The following ITPR1 variants were observed in gnomAD, a reference collection of about 807,000 sequenced individuals.
ITPR1 encodes inositol 1,4,5-trisphosphate receptor type 1, also known as inositol 1,4,5-trisphosphate-gated calcium channel ITPR1.
A neutral mutation model predicts 318.4 loss-of-function variants in ITPR1; 96 were observed. That is an observed-to-expected ratio of 0.30 (90% confidence interval 0.26 to 0.36). The LOEUF is 0.36. ITPR1 is among the 10% of genes least tolerant of loss of function. The probability of loss-of-function intolerance (pLI) is 1.00; values close to 1 mark genes in which losing one functional copy is unlikely to be tolerated. For synonymous variants in ITPR1, 1,312 were observed against 1,289.9 expected (o/e 1.02, Z -0.37); for missense variants, 2,440 against 3,460.2 (o/e 0.71, Z 7.40).
At position 4,803,981 on chromosome 3, in the gene ITPR1, C is replaced by A. The variant is rs1473570393; in HGVS notation, c.7108-2122C>A. 5.3e-5 allele frequency among the ~76,000 whole-genome samples: 8 copies of A among 152,214 alleles called. No individual in the cohort carries two copies. In the East Asian group the frequency reaches 1.2e-3, roughly 22 times the overall value. ...CCGCCTCCTGGGTTCAAGCAATTCT[C>A]CTCCCTCAGCCTCCCAGGTAGCTGG... On this transcript the variant is annotated intron_variant, in intron 54 of 61. Coordinates refer to ENST00000649015, the MANE Select transcript of ITPR1 (RefSeq NM_001378452.1).
intron 2 of ITPR1, among the ~76,000 whole-genome samples, chr3:4,509,976 A>G (rs895491949): frequency 4.6e-5 from 7 of 152,224 alleles, no homozygotes; most frequent in African/African-American, 1.4e-4. Flanking sequence ...GAGAAGACAA[A>G]CAAACAAGTG....
chr3:4,679,752 T>C (rs527278194), intron 24 of ITPR1, among the ~76,000 whole-genome samples: 2 of 152,296 alleles, frequency 1.3e-5, no homozygotes, highest in African/African-American at 4.8e-5. Flanking sequence ...GCAGTTACTT[T>C]TGTGAAACAC....
rs2042452153 is a variant in ITPR1 at position 4,725,570 on chromosome 3, A to G, written c.5161A>G (p.Asn1721Asp). ...AELPPAPDSE[N>D]ATEELEPSPP... The stretch of plus-strand genomic sequence containing the variant: ...GCTTCCTCCAGCTCCGGATTCTGAG[A>G]ACGCCACTGAGGTGTGTTGCCCGCC... The change falls in exon 41 of 62, where the codon AAC becomes GAC. Residue 1721 changes from asparagine to aspartate, a missense_variant. Asn to Asp is a conservative substitution (Grantham distance 23, BLOSUM62 1). This residue lies in a region of ITPR1 where 166 missense variants were observed against 143.7 expected (regional missense o/e 1.16). Coordinates refer to ENST00000649015, the MANE Select transcript of ITPR1 (RefSeq NM_001378452.1). The G allele has an allele frequency of 1.3e-6, 2 of 1,599,010 alleles. No homozygotes were observed. Among genetic ancestry groups the G allele is most frequent in the Non-Finnish European group, 1.7e-6 (2 of 1,179,594 alleles).
In ITPR1 at chr3:4,710,289, C is replaced by T; in HGVS notation, c.4843-36C>T. ...CTCACCCTCCTGTGGTCAGCGTCTG[C>T]CTGAGCCGTTGACTGAGGCTGTGTT... On this transcript the variant is annotated intron_variant, in intron 37 of 61. Coordinates refer to ENST00000649015, the MANE Select transcript of ITPR1 (RefSeq NM_001378452.1). The surrounding 1 kb of genome is among the most constrained non-coding windows in gnomAD (Gnocchi z 4.2). 1 of 1,505,498 alleles carries T rather than the reference C, an allele frequency of 6.6e-7. No homozygotes were observed. Among genetic ancestry groups the T allele is most frequent in the Non-Finnish European group, 8.9e-7 (1 of 1,118,420 alleles). 93.3% of individuals were successfully genotyped at this position (1,505,498 alleles called of 1,614,324 possible). A position where few individuals can be genotyped will look rare whatever the true frequency, so the allele number is the denominator to read the frequency against.
At chr3:4,772,111 A>G (rs546535363) in intron 46 of ITPR1, among the ~76,000 whole-genome samples, 1 of 152,298 alleles carries the variant, frequency 6.6e-6, no homozygotes, top group South Asian at 2.1e-4. Context: ...GTGTGTAGAA[A>G]TCCACTTCTC....
intron 4 of ITPR1, among the ~76,000 whole-genome samples, chr3:4,590,937 C>T (rs2090348428): frequency 6.6e-6 from 1 of 152,110 alleles, no homozygotes; most frequent in Admixed American, 6.5e-5. Context: ...TTCATAAGTT[C>T]TTATCATTTA....
At chr3:4,553,821 G>A (rs562709635) in intron 4 of ITPR1, among the ~76,000 whole-genome samples, 3 of 151,972 alleles carry the variant, frequency 2.0e-5, no homozygotes, top group Admixed American at 1.3e-4. Flanking sequence ...GGATGGTCTC[G>A]AACTCCTGAC....
intron 41 of ITPR1, among the ~76,000 whole-genome samples, chr3:4,726,229 C>T (rs915172355): frequency 1.3e-5 from 2 of 151,682 alleles, no homozygotes; most frequent in South Asian, 2.1e-4. Flanking sequence ...GGGGTTTTGC[C>T]GTGTTGGCCA....
chr3:4,559,765 C>T (rs1204241702), intron 4 of ITPR1, among the ~76,000 whole-genome samples: 1 of 152,190 alleles, frequency 6.6e-6, no homozygotes, highest in Non-Finnish European at 1.5e-5. Flanking sequence ...ATATAATCCA[C>T]ACAAGGAACC....
chr3:4,683,635 T>G lies in ITPR1; in HGVS notation c.3335T>G (p.Leu1112Arg). Reference protein sequence around the residue: ...EVLQAFKQVQLLVTSQDVDNY... With the variant: ...EVLQAFKQVQRLVTSQDVDNY... ...CGGATTGCGTTCATTAAGGTTCAACTGCTGGTTACCAGCCAAGATGTGGAC... is the reference window on the plus strand; with the variant it reads ...CGGATTGCGTTCATTAAGGTTCAACGGCTGGTTACCAGCCAAGATGTGGAC... The change falls in exon 28 of 62, where the codon CTG becomes CGG. Residue 1112 changes from leucine (L) to arginine (R), a missense_variant. Leu to Arg is a moderately radical substitution (Grantham distance 102). Transcript: ENST00000649015. 6.2e-7 allele frequency: 1 copy of G among 1,614,068 alleles called. No individual in the cohort carries two copies. Among genetic ancestry groups the G allele is most frequent in the Non-Finnish European group, 8.5e-7 (1 of 1,179,902 alleles).
At chr3:4,797,906 C>T (rs531677639) in intron 53 of ITPR1, among the ~76,000 whole-genome samples, 14 of 152,334 alleles carry the variant, frequency 9.2e-5, no homozygotes, top group African/African-American at 3.4e-4. Flanking sequence ...ATGCCATTAT[C>T]ATATCTAACA....
chr3:4,498,821 G>A (rs1255386879), intron 2 of ITPR1, among the ~76,000 whole-genome samples: 2 of 152,132 alleles, frequency 1.3e-5, no homozygotes, highest in South Asian at 2.1e-4. Context: ...ATGTCTTACC[G>A]CCACCCTGCG....
chr3:4,714,872 A>G (rs959199660), intron 39 of ITPR1, among the ~76,000 whole-genome samples: 2 of 152,208 alleles, frequency 1.3e-5, no homozygotes, highest in Non-Finnish European at 2.9e-5. Context: ...TGTCACCCAT[A>G]TTACCAAATA....
chr3:4,634,059 A>G (rs1306391821), intron 5 of ITPR1, among the ~76,000 whole-genome samples: 1 of 152,238 alleles, frequency 6.6e-6, no homozygotes, highest in Admixed American at 6.5e-5. Context: ...CTTAGGGAAC[A>G]TGGTGAATAA....
intron 44 of ITPR1, among the ~76,000 whole-genome samples, chr3:4,747,204 A>G (rs1226485542): frequency 1.3e-5 from 2 of 152,208 alleles, no homozygotes; most frequent in Admixed American, 6.5e-5. Flanking sequence ...ACAAGTGCTC[A>G]TGTACCACGG....
intron 4 of ITPR1, among the ~76,000 whole-genome samples, chr3:4,619,717 CCTG>C (rs1240127012): frequency 1.2e-4 from 2 of 16,236 alleles, no homozygotes; most frequent in Non-Finnish European, 2.2e-4. Flanking sequence ...TCTGCTCTCC[CCTG>C]CTCTCCTCTG....
chr3:4,666,328 A>G (rs537225909), intron 17 of ITPR1, among the ~76,000 whole-genome samples: 1 of 152,280 alleles, frequency 6.6e-6, no homozygotes, highest in South Asian at 2.1e-4. Context: ...AAGTGTATCA[A>G]GCTGTGATTG....
intron 4 of ITPR1, among the ~76,000 whole-genome samples, chr3:4,554,351 C>T (rs1284901570): frequency 2.0e-5 from 3 of 152,218 alleles, no homozygotes; most frequent in African/African-American, 7.2e-5. Context: ...TTAGAGAATA[C>T]ATTTTTTGCC....
At chr3:4,708,197 G>A (rs572597282) in intron 37 of ITPR1, among the ~76,000 whole-genome samples, 5 of 152,230 alleles carry the variant, frequency 3.3e-5, no homozygotes, top group East Asian at 1.9e-4. Context: ...CCGTTATACC[G>A]AAAAGAAGAT....
Sources: gnomAD v4.1 joint callset for allele counts (sites outside exome capture counted in the v4.1 genomes callset) on GRCh38, gnomAD v4.1.1 for gene constraint, gnomAD v4.1.1 regional missense constraint, Gnocchi (gnomAD v3.1) non-coding constraint, MANE v1.5 for transcripts, NCBI Gene and HGNC (gene_info 2026-07-23, HGNC 2026-07-21) for gene names.